Variants in RBM5 observed in about 807,000 individuals in gnomAD.
RBM5 encodes RNA binding motif protein 5.
In RBM5, 15 loss-of-function variants were observed where a neutral mutation model predicts 124.6. That is an observed-to-expected ratio of 0.12 (90% CI 0.08 to 0.19). The LOEUF (loss-of-function observed/expected upper bound fraction) is 0.19. Ranked by LOEUF, RBM5 falls within the 10% of genes least tolerant of loss-of-function variation. The probability of loss-of-function intolerance (pLI) is 1.00; values close to 1 mark genes in which losing one functional copy is unlikely to be tolerated. For missense variants in RBM5, 580 were observed against 1,026.5 expected (o/e 0.57, Z 5.94); for synonymous variants, 337 against 361.2 (o/e 0.93, Z 0.76).
At position 50,114,260 on chromosome 3, in the gene RBM5, G is replaced by A. The variant is rs2091200025; in HGVS notation, c.1839+9G>A. On this transcript the variant is annotated intron_variant, in intron 20 of 24. Coordinates refer to ENST00000347869, the MANE Select transcript of RBM5 (RefSeq NM_005778.4). ...AGGAGAATCCCCTCAAAGTAAGGGA[G>A]TACCACCAGTGTTTTAAAGACCCTA... is the stretch of plus-strand genomic sequence containing the variant. The A allele has an allele frequency of 6.3e-7, 1 of 1,597,702 alleles. No individual in the cohort carries two copies. Among genetic ancestry groups the A allele is most frequent in the East Asian group, 2.2e-5 (1 of 44,832 alleles).
At chr3:50,107,594 A>G in intron 12 of RBM5, 25 bp downstream of exon 12, 2 of 1,546,582 alleles carry the variant, frequency 1.3e-6, no homozygotes, top group Non-Finnish European at 1.8e-6. Context: ...CTTTTTGCTC[A>G]AGGTAGTGTG....
chr3:50,092,561 C>CAA (rs1156471002), intron 3 of RBM5, among the ~76,000 whole-genome samples: 9 of 66,424 alleles, frequency 1.4e-4, no homozygotes, highest in Non-Finnish European at 1.9e-4. Context: ...GACTCCATCT[C>CAA]AAAAAAAAAA....
chr3:50,107,729 C>T (rs1161413188), intron 12 of RBM5, among the ~76,000 whole-genome samples, 160 bp downstream of exon 12: 7 of 127,778 alleles, frequency 5.5e-5, no homozygotes, highest in African/African-American at 1.5e-4. Context: ...TCTCGTCACC[C>T]GGGCTGGAGT....
At chr3:50,105,835 T>G in intron 10 of RBM5, 126 bp downstream of exon 10, 2 of 997,486 alleles carry the variant, frequency 2.0e-6, no homozygotes, top group Non-Finnish European at 1.4e-6. Context: ...AATGACAGTT[T>G]TTGCACTGCT....
At position 50,113,589 on chromosome 3, in the gene RBM5, A is replaced by G. The variant is rs760593081; in HGVS notation, c.1617+45A>G. The G allele has an allele frequency of 1.9e-6, 3 of 1,551,374 alleles. No individual in the cohort carries two copies. The Admixed American group carries it at 6.2e-5, about 32-fold the overall frequency. On this transcript the variant is annotated intron_variant, in intron 18 of 24. Transcript: ENST00000347869. ...TTCTTTCATTGAGGTATTGGGCTGA[A>G]CTCTTAGTTTTGGGGTTGTAGCATT...
rs528826970 is a variant in RBM5, at chr3:50,109,831, T to C, written c.1278+143T>C. ...TATTTCTTTCTGTTGTTTTAAAATA[T>C]TAATTTTATGATATATATGTGCATG... On this transcript the variant is annotated intron_variant, in intron 15 of 24. Transcript: ENST00000347869. 1.4e-3 allele frequency: 851 copies of C among 606,008 alleles called. 1 individual carries two copies. Among genetic ancestry groups the C allele is most frequent in the Non-Finnish European group, 2.2e-3 (759 of 349,978 alleles). The allele number at this position is 606,008 out of a possible 1,614,324, so 37.5% of individuals were successfully genotyped here.
chr3:50,118,531 T>A lies in RBM5; in HGVS notation c.*75T>A, dbSNP rs1300498344. ...CCCGAATTCGCTGTTACCGCCTGTC[T>A]CTTTAAGGGCATGCCTTGTGCTGTT... On this transcript the variant is annotated 3_prime_UTR_variant, in exon 25 of 25. Transcript: ENST00000347869. 1 of 1,542,284 alleles carries A rather than the reference T, an allele frequency of 6.5e-7. No individual in the cohort carries two copies. The highest frequency in any genetic ancestry group is 1.4e-5 in the African/African-American group (1 of 73,534).
chr3:50,107,427 A>T, intron 11 of RBM5, 55 bp from the exon 12 acceptor site: 1 of 1,377,524 alleles, frequency 7.3e-7, no homozygotes, highest in Non-Finnish European at 1.0e-6. Flanking sequence ...GTATAGGGGC[A>T]CTAATTGTGG....
Position 50,117,642 on chromosome 3 carries a change from G to A in RBM5, c.2322+263G>A, listed in dbSNP as rs1439436404. The A allele has an allele frequency of 1.3e-5, 4 of 317,610 alleles. No homozygotes were observed. Among genetic ancestry groups the A allele is most frequent in the East Asian group, 6.0e-5 (1 of 16,702 alleles). The allele number at this position is 317,610 out of a possible 1,614,324, so 19.7% of individuals were successfully genotyped here. On this transcript the variant is annotated intron_variant, in intron 24 of 24. Coordinates refer to ENST00000347869, the MANE Select transcript of RBM5 (RefSeq NM_005778.4). The surrounding 1 kb of genome is among the most constrained non-coding windows in gnomAD (Gnocchi z 4.2). ...CTAAAATACAAAATATTAACTGGAC[G>A]TGGCAGCGTGTGCCTGTAATCCCAG...
rs1392971378 is a variant in RBM5, at chr3:50,117,855, A to G, written c.2322+476A>G. 3.5e-5 allele frequency: 6 copies of G among 172,584 alleles called. 1 individual carries two copies. Among genetic ancestry groups the G allele is most frequent in the Non-Finnish European group, 7.5e-5 (6 of 79,726 alleles). 10.7% of individuals were successfully genotyped at this position (172,584 alleles called of 1,614,324 possible). ...TGATCAGAGCCCACATTGAGGCATC[A>G]TATCCCAGGATCGGAGGCCCCTACC... On this transcript the variant is annotated intron_variant, in intron 24 of 24. Coordinates refer to ENST00000347869, the MANE Select transcript of RBM5 (RefSeq NM_005778.4). The surrounding 1 kb of genome is among the most constrained non-coding windows in gnomAD (Gnocchi z 4.2).
At chr3:50,104,909 G>A (rs1261042785) in intron 8 of RBM5, 168 bp from the exon 9 acceptor site, 10 of 554,820 alleles carry the variant, frequency 1.8e-5, no homozygotes, top group South Asian at 1.1e-4. Flanking sequence ...TGCATTCTGC[G>A]TTAACCAAGT....
chr3:50,107,662 C>CT, intron 12 of RBM5, 93 bp downstream of exon 12: 4 of 171,152 alleles, frequency 2.3e-5, no homozygotes, highest in Non-Finnish European at 3.3e-5. Flanking sequence ...AGTATGAGCT[C>CT]TTTTCTTTTC....
intron 4 of RBM5, chr3:50,094,156 A>ATTT (rs145309164): frequency 3.0e-5 from 5 of 165,596 alleles, no homozygotes; most frequent in Middle Eastern, 2.6e-3. Flanking sequence ...ACTTTAAATA[A>ATTT]TTTTTTTTTT....
intron 4 of RBM5, among the ~76,000 whole-genome samples, chr3:50,097,152 T>G (rs2090833211): frequency 6.6e-6 from 1 of 151,972 alleles, no homozygotes; most frequent in African/African-American, 2.4e-5. Context: ...TCCCAGCACT[T>G]TAGGATTCTG....
At chr3:50,096,802 T>G (rs1430220482) in intron 4 of RBM5, among the ~76,000 whole-genome samples, 1 of 151,414 alleles carries the variant, frequency 6.6e-6, no homozygotes, top group Non-Finnish European at 1.5e-5. Flanking sequence ...AGACAAGGTC[T>G]CTCTTTATTG....
At position 50,088,961 on chromosome 3, in the gene RBM5, G is replaced by A. The variant is rs1289321259; in HGVS notation, c.-122G>A. 1 of 152,316 alleles carries A rather than the reference G, an allele frequency of 6.6e-6. No individual in the cohort carries two copies. Among genetic ancestry groups the A allele is most frequent in the African/African-American group, 2.4e-5 (1 of 41,458 alleles). The allele number at this position is 152,316 out of a possible 1,614,324, so 9.4% of individuals were successfully genotyped here. ...GCCGTCGGCGGAGGCGCCATTTTGT[G>A]TAGCCGCCGAACCTTGTTGGAGGTT... is the stretch of plus-strand genomic sequence containing the variant. On this transcript the variant is annotated 5_prime_UTR_variant, in exon 1 of 25. Transcript: ENST00000347869.
intron 2 of RBM5, 60 bp from the exon 3 acceptor site, chr3:50,091,983 A>C: frequency 6.5e-7 from 1 of 1,543,326 alleles, no homozygotes; most frequent in Non-Finnish European, 9.0e-7. Context: ...ATTTTTAACT[A>C]TGTCTTTTAA....
In RBM5 at chr3:50,092,150, C is replaced by G; in HGVS notation, c.125C>G (p.Ser42Cys). The change falls in exon 3 of 25, where the codon TCT (serine) becomes TGT (cysteine). Residue 42 changes from serine (S) to cysteine (C), a missense_variant. This residue lies in a region of RBM5 where 99 missense variants were observed against 121.1 expected (regional missense o/e 0.82). Coordinates refer to ENST00000347869, the MANE Select transcript of RBM5 (RefSeq NM_005778.4). ...CGGAGGGACTCAGATTACAAAAGATCTAGTGATGATCGGAGGGGTGATAGA... is the reference window on the plus strand; with the variant it reads ...CGGAGGGACTCAGATTACAAAAGATGTAGTGATGATCGGAGGGGTGATAGA... ...SRRRDSDYKRSSDDRRGDRYD... is the reference protein window; with the variant it reads ...SRRRDSDYKRCSDDRRGDRYD... 6.2e-7 allele frequency: 1 copy of G among 1,613,990 alleles called. No homozygotes were observed. The highest frequency in any genetic ancestry group is 8.5e-7 in the Non-Finnish European group (1 of 1,179,998).
At chr3:50,089,704 G>A (rs780304350) in intron 1 of RBM5, among the ~76,000 whole-genome samples, 35 of 152,056 alleles carry the variant, frequency 2.3e-4, no homozygotes, top group African/African-American at 6.3e-4. Context: ...CTGATTTTTC[G>A]GACCTCGCGC....
Sources: allele counts gnomAD v4.1 joint callset (sites outside exome capture counted in the v4.1 genomes callset), GRCh38; gene constraint gnomAD v4.1.1; regional missense constraint gnomAD v4.1.1; non-coding constraint Gnocchi (gnomAD v3.1); transcripts MANE v1.5; gene names NCBI Gene and HGNC (gene_info 2026-07-23, HGNC 2026-07-21).